The following STAU1 variants were observed in gnomAD, a reference collection of about 807,000 sequenced individuals.
STAU1 encodes the protein staufen double-stranded RNA binding protein 1, also known as double-stranded RNA-binding protein Staufen homolog 1.
In STAU1, 13 loss-of-function variants were observed where a neutral mutation model predicts 62.9. The ratio of observed to expected loss-of-function variants is 0.21; its 90% confidence interval spans 0.13 to 0.33. The LOEUF (loss-of-function observed/expected upper bound fraction) is 0.33. Ranked by LOEUF, STAU1 falls within the 10% of genes least tolerant of loss-of-function variation. The pLI, the probability that STAU1 is intolerant of heterozygous loss-of-function variation, is 1.00. For synonymous variants in STAU1, 269 were observed against 265.1 expected, an observed-to-expected ratio of 1.01 and a Z score of -0.14; for missense variants, 571 against 712.1, an observed-to-expected ratio of 0.80 and a Z score of 2.25.
chr20:49,137,560 A>C (rs1014532882), intron 5 of STAU1, among the ~76,000 whole-genome samples: 5 of 152,236 alleles, frequency 3.3e-5, no homozygotes, highest in African/African-American at 9.6e-5. Context: ...GAACTATCTG[A>C]AAAGGAACCC....
At chr20:49,168,945 T>C (rs898225493) in intron 2 of STAU1, among the ~76,000 whole-genome samples, 1 of 151,732 alleles carries the variant, frequency 6.6e-6, no homozygotes, top group Non-Finnish European at 1.5e-5. Context: ...CCCTAAAAAA[T>C]AGATGCTAAT....
Position 49,113,649 on chromosome 20 carries a change from G to A in STAU1, c.*1229C>T, listed in dbSNP as rs2092235049. 6.6e-6 allele frequency: 1 copy of A among 152,546 alleles called. No individual in the cohort carries two copies. Among genetic ancestry groups the A allele is most frequent in the Non-Finnish European group, 1.5e-5 (1 of 68,042 alleles). 9.4% of individuals were successfully genotyped at this position (152,546 alleles called of 1,614,324 possible). A position where few individuals can be genotyped will look rare whatever the true frequency, so the allele number is the denominator to read the frequency against. ...CGCAGGGCTACCAGGCTTTCCATAC[G>A]GACCACACGCAGAGCCTCAGTGCAC... is the stretch of plus-strand genomic sequence containing the variant. On this transcript the variant is annotated 3_prime_UTR_variant, in exon 14 of 14. Coordinates refer to ENST00000371856, the MANE Select transcript of STAU1 (RefSeq NM_017453.4).
intron 1 of STAU1, among the ~76,000 whole-genome samples, chr20:49,180,846 T>C (rs2093716079): frequency 6.6e-6 from 1 of 152,196 alleles, no homozygotes; most frequent in Non-Finnish European, 1.5e-5. Context: ...GATCTAGGGT[T>C]CTAATGAGCA....
rs545143245 is a variant in STAU1 at position 49,162,540 on chromosome 20, C to T, written c.205+3457G>A. Among the ~76,000 whole-genome samples, 6 of 152,112 alleles carry T rather than the reference C, an allele frequency of 3.9e-5. No homozygotes were observed. In the East Asian group the frequency reaches 9.7e-4, roughly 24 times the overall value. ...CTGTAATCCCAACACTTTGGGAGGC[C>T]GAGGCAGGCGGATCACGAGGTCAGA... On this transcript the variant is annotated intron_variant, in intron 3 of 13. Transcript: ENST00000371856.
chr20:49,182,129 C>T (rs988774294), intron 1 of STAU1, among the ~76,000 whole-genome samples: 1 of 152,176 alleles, frequency 6.6e-6, no homozygotes. Context: ...TGAGGGAGTT[C>T]CCTGAGTCTA....
At chr20:49,168,355 A>G (rs2093553954) in intron 2 of STAU1, among the ~76,000 whole-genome samples, 1 of 152,196 alleles carries the variant, frequency 6.6e-6, no homozygotes, top group Non-Finnish European at 1.5e-5. Context: ...TCCTGGGATT[A>G]CAAGTGTGAG....
the STAU1 span, among the ~76,000 whole-genome samples, chr20:49,197,381 C>T: frequency 6.8e-6 from 1 of 147,952 alleles, no homozygotes; most frequent in African/African-American, 2.5e-5. Context: ...TATACATATA[C>T]ATAATTTTCT....
chr20:49,117,419 G>C lies in STAU1; in HGVS notation c.1510-171C>G, dbSNP rs1393158432. Among the ~76,000 whole-genome samples, 2 of 152,140 alleles carry C rather than the reference G, an allele frequency of 1.3e-5. No individual in the cohort carries two copies. The highest frequency in any genetic ancestry group is 2.9e-5 in the Non-Finnish European group (2 of 68,030). ...CAGCCCAGAACCTTCCAGGAACCTAGGTGTCTGCTCAGAAGCCCAAGACTG... is the reference window on the plus strand; with the variant it reads ...CAGCCCAGAACCTTCCAGGAACCTACGTGTCTGCTCAGAAGCCCAAGACTG... On this transcript the variant is annotated intron_variant, in intron 11 of 13. Coordinates refer to ENST00000371856, the MANE Select transcript of STAU1 (RefSeq NM_017453.4). This position sits in a 1 kb window ranked among gnomAD's most constrained non-coding sequence, Gnocchi z 4.6.
At chr20:49,159,275 TG>T in intron 3 of STAU1, 1 of 437,134 alleles carries the variant, frequency 2.3e-6, no homozygotes, top group Non-Finnish European at 3.1e-6. Flanking sequence ...ATCTTGGTTT[TG>T]ATAGAACCAA....
At chr20:49,123,411 T>C (rs1568827224) in intron 7 of STAU1, among the ~76,000 whole-genome samples, 176 bp from the exon 8 acceptor site, 1 of 152,232 alleles carries the variant, frequency 6.6e-6, no homozygotes, top group Admixed American at 6.5e-5. Context: ...TTTTTTATGA[T>C]TGTTCTAGGT....
At chr20:49,135,025 CG>C in intron 6 of STAU1, 3 of 1,582,800 alleles carry the variant, frequency 1.9e-6, no homozygotes, top group Non-Finnish European at 2.6e-6. Context: ...GAAGGGAGCC[CG>C]GGCAGCCGCC....
In STAU1 at chr20:49,113,652, C is replaced by G. The variant is rs1427060571; in HGVS notation, c.*1226G>C. 1 of 152,624 alleles carries G rather than the reference C, an allele frequency of 6.6e-6. No individual in the cohort carries two copies. Among genetic ancestry groups the G allele is most frequent in the South Asian group, 2.1e-4 (1 of 4,828 alleles). 9.5% of individuals were successfully genotyped at this position (152,624 alleles called of 1,614,324 possible). On this transcript the variant is annotated 3_prime_UTR_variant, in exon 14 of 14. Transcript: ENST00000371856. ...AGGGCTACCAGGCTTTCCATACGGA[C>G]CACACGCAGAGCCTCAGTGCACACA...
At position 49,117,385 on chromosome 20, in the gene STAU1, C is replaced by T. The variant is rs6095444; in HGVS notation, c.1510-137G>A. On this transcript the variant is annotated intron_variant, in intron 11 of 13. Coordinates refer to ENST00000371856, the MANE Select transcript of STAU1 (RefSeq NM_017453.4). The surrounding 1 kb of genome is among the most constrained non-coding windows in gnomAD (Gnocchi z 4.6). ...AGCCCCACTGTGGCCATACTAACAC[C>T]TGCCCTGTCAGCCCAGAACCTTCCA... 9.2e-7 allele frequency: 1 copy of T among 1,092,180 alleles called. No individual in the cohort carries two copies. The highest frequency in any genetic ancestry group is 1.3e-6 in the Non-Finnish European group (1 of 755,840). 67.7% of individuals were successfully genotyped at this position (1,092,180 alleles called of 1,614,324 possible). A position where few individuals can be genotyped will look rare whatever the true frequency, so the allele number is the denominator to read the frequency against.
the STAU1 span, among the ~76,000 whole-genome samples, chr20:49,193,770 C>A: frequency 2.0e-5 from 3 of 151,780 alleles, no homozygotes; most frequent in African/African-American, 7.3e-5. Flanking sequence ...AGATCAAGAC[C>A]ATCCTGGCGA....
intron 3 of STAU1, among the ~76,000 whole-genome samples, chr20:49,156,258 G>A (rs759130546): frequency 3.3e-5 from 5 of 151,868 alleles, no homozygotes; most frequent in Admixed American, 2.0e-4. Context: ...ATTAAACTTC[G>A]GAAATCTTTG....
At chr20:49,208,623 T>G in the STAU1 span, among the ~76,000 whole-genome samples, 2 of 140,590 alleles carry the variant, frequency 1.4e-5, no homozygotes, top group Non-Finnish European at 3.1e-5. Context: ...AGATCCTGTC[T>G]TTTTTTTTTT....
chr20:49,158,566 T>C (rs2093400221), intron 3 of STAU1: 2 of 1,225,894 alleles, frequency 1.6e-6, no homozygotes, highest in Middle Eastern at 2.2e-4. Flanking sequence ...TCCTAGCACT[T>C]TGGGAGGCCA....
In STAU1 at chr20:49,147,672, A is replaced by G. The variant is rs1389125587; in HGVS notation, c.510+3910T>C. On this transcript the variant is annotated intron_variant, in intron 5 of 13. Coordinates refer to ENST00000371856, the MANE Select transcript of STAU1 (RefSeq NM_017453.4). ...AACGATGTTCTTCCCGACCCATTTT[A>G]TAAGAGGGAAAATGCAAACAACCTA... is the stretch of plus-strand genomic sequence containing the variant. Among the ~76,000 whole-genome samples, 6 of 152,238 alleles carry G rather than the reference A, an allele frequency of 3.9e-5. 1 individual carries two copies. The highest frequency in any genetic ancestry group is 1.3e-4 in the Admixed American group (2 of 15,278).
chr20:49,191,793 G>A (rs181311989), upstream of STAU1, among the ~76,000 whole-genome samples: 67 of 152,318 alleles, frequency 4.4e-4, 1 homozygote, highest in African/African-American at 1.3e-3. Flanking sequence ...GCTTACACCT[G>A]TAATCCCAGC....
Sources: allele counts gnomAD v4.1 joint callset (sites outside exome capture counted in the v4.1 genomes callset), GRCh38; gene constraint gnomAD v4.1.1; non-coding constraint Gnocchi (gnomAD v3.1); transcripts MANE v1.5; gene names NCBI Gene and HGNC (gene_info 2026-07-23, HGNC 2026-07-21).